Variants in CRTC3 observed in about 807,000 individuals in gnomAD.
CRTC3 encodes CREB-regulated transcription coactivator 3.
In CRTC3, 26 loss-of-function variants were observed where a neutral mutation model predicts 74.5. The observed-to-expected ratio is 0.35, with a 90% CI of 0.26 to 0.48. The LOEUF is 0.48. Ranked by LOEUF, CRTC3 falls within the 20% of genes least tolerant of loss-of-function variation. The pLI, the probability that CRTC3 is intolerant of heterozygous loss-of-function variation, is 0.99. For missense variants in CRTC3, 760 were observed against 787.3 expected, an observed-to-expected ratio of 0.97 and a Z score of 0.41; for synonymous variants, 377 against 325.8, an observed-to-expected ratio of 1.16 and a Z score of -1.69.
intron 2 of CRTC3, among the ~76,000 whole-genome samples, chr15:90,571,745 CTAAG>C (rs1387190623): frequency 1.3e-5 from 2 of 152,130 alleles, no homozygotes; most frequent in African/African-American, 4.8e-5. Context: ...GTACCTATTG[CTAAG>C]TGTTTCATCT....
chr15:90,630,872 G>A lies in CRTC3; in HGVS notation c.1266+1340G>A, dbSNP rs1341220155. The stretch of plus-strand genomic sequence containing the variant: ...GGCTCACTGCAAGCTCCGCTTCCCG[G>A]GTTCACGCCATTCTCCTGCCTCAGC... On this transcript the variant is annotated intron_variant, in intron 11 of 14. Transcript: ENST00000268184. 3.2e-4 allele frequency among the ~76,000 whole-genome samples: 17 copies of A among 52,842 alleles called. 7 individuals carry two copies. Among genetic ancestry groups the A allele is most frequent in the Non-Finnish European group, 9.8e-5 (2 of 20,322 alleles). The allele number at this position is 52,842 out of a possible 152,430, so 34.7% of individuals were successfully genotyped here.
At chr15:90,581,826 G>A (rs765634505) in intron 2 of CRTC3, among the ~76,000 whole-genome samples, 1 of 152,186 alleles carries the variant, frequency 6.6e-6, no homozygotes, top group Non-Finnish European at 1.5e-5. Context: ...GGTGGATCTG[G>A]TGTGATTCAG....
Position 90,638,826 on chromosome 15 carries a change from G to T in CRTC3, c.1548+11G>T. 1 of 1,609,492 alleles carries T rather than the reference G, an allele frequency of 6.2e-7. No homozygotes were observed. Among genetic ancestry groups the T allele is most frequent in the African/African-American group, 1.3e-5 (1 of 74,890 alleles). ...GCCTTTCCTCAACAGGTGGGTGATC[G>T]CCCCTGCCTTCTCCTCCCTTGGTGC... is the stretch of plus-strand genomic sequence containing the variant. On this transcript the variant is annotated intron_variant, in intron 13 of 14. Coordinates refer to ENST00000268184, the MANE Select transcript of CRTC3 (RefSeq NM_022769.5).
intron 10 of CRTC3, among the ~76,000 whole-genome samples, chr15:90,628,501 G>T (rs531483358): frequency 3.3e-5 from 5 of 152,144 alleles, no homozygotes; most frequent in Admixed American, 6.5e-5. Context: ...GATCCAGCAG[G>T]GCATAGGACA....
At position 90,643,651 on chromosome 15, in the gene CRTC3, C is replaced by T. The variant is rs1011350844; in HGVS notation, c.*1511C>T. The T allele has an allele frequency of 1.7e-5, 4 of 231,830 alleles. No homozygotes were observed. The highest frequency in any genetic ancestry group is 2.6e-5 in the Non-Finnish European group (3 of 117,336). The allele number at this position is 231,830 out of a possible 1,614,324, so 14.4% of individuals were successfully genotyped here. On this transcript the variant is annotated 3_prime_UTR_variant, in exon 15 of 15. Coordinates refer to ENST00000268184, the MANE Select transcript of CRTC3 (RefSeq NM_022769.5). ...ATACCTTCTCATAAAATAGATGGGC[C>T]AGATTTCCACCACCGCCTGCCTCCT... is the stretch of plus-strand genomic sequence containing the variant.
At chr15:90,621,369 C>T (rs1968647634) in intron 9 of CRTC3, among the ~76,000 whole-genome samples, 1 of 152,102 alleles carries the variant, frequency 6.6e-6, no homozygotes, top group African/African-American at 2.4e-5. Flanking sequence ...GTCGCTCAGG[C>T]TGGAGTGCAG....
At chr15:90,572,741 A>G (rs1967304065) in intron 2 of CRTC3, among the ~76,000 whole-genome samples, 1 of 152,014 alleles carries the variant, frequency 6.6e-6, no homozygotes, top group African/African-American at 2.4e-5. Flanking sequence ...ATACCCAGCT[A>G]ATTTTTGTAT....
chr15:90,586,144 C>T (rs1967654444), intron 2 of CRTC3, among the ~76,000 whole-genome samples: 1 of 152,008 alleles, frequency 6.6e-6, no homozygotes, highest in African/African-American at 2.4e-5. Flanking sequence ...CACTTTTTTT[C>T]TTGATCACGA....
intron 2 of CRTC3, among the ~76,000 whole-genome samples, chr15:90,550,905 G>A (rs911141586): frequency 2.6e-5 from 4 of 152,022 alleles, no homozygotes; most frequent in Non-Finnish European, 5.9e-5. Context: ...ATAATGCCAA[G>A]GAGCTCAATT....
chr15:90,615,083 TA>T (rs1567185499), intron 7 of CRTC3, among the ~76,000 whole-genome samples: 125 of 152,106 alleles, frequency 8.2e-4, no homozygotes, highest in African/African-American at 2.7e-3. Flanking sequence ...AATAAATAAA[TA>T]AATAAATTAA....
intron 2 of CRTC3, among the ~76,000 whole-genome samples, chr15:90,543,486 A>G (rs190852234): frequency 1.3e-5 from 2 of 152,096 alleles, no homozygotes; most frequent in Admixed American, 6.5e-5. Context: ...ATTTTATTCA[A>G]TCTATTATAA....
chr15:90,588,644 C>T (rs750240733), intron 2 of CRTC3, among the ~76,000 whole-genome samples: 3 of 151,696 alleles, frequency 2.0e-5, no homozygotes, highest in Admixed American at 1.3e-4. Flanking sequence ...AGCTGGGTGA[C>T]GTCAGAGGTG....
chr15:90,587,084 A>G (rs548819768), intron 2 of CRTC3, among the ~76,000 whole-genome samples: 2 of 152,362 alleles, frequency 1.3e-5, no homozygotes, highest in African/African-American at 2.4e-5. Flanking sequence ...ATGCAAATGT[A>G]GGTCACATTG....
intron 6 of CRTC3, chr15:90,613,868 T>G (rs1968424367): frequency 6.6e-6 from 1 of 152,246 alleles, no homozygotes; most frequent in African/African-American, 2.4e-5. Flanking sequence ...TAAAAATACT[T>G]CATTCAGCCA....
At chr15:90,618,250 GT>G (rs1261439119) in intron 8 of CRTC3, 1 of 193,076 alleles carries the variant, frequency 5.2e-6, no homozygotes, top group African/African-American at 2.5e-5. Context: ...TATCTTATTT[GT>G]TTTGCTAAAA....
rs377178684 is a variant in CRTC3 at position 90,643,331 on chromosome 15, A to G, written c.*1191A>G. Reference sequence around the variant, plus strand: ...CTAGCACTCGTGCCTATGGTGAAGCATGCACTTTAATATGCTTTTAACACT... The same window carrying G: ...CTAGCACTCGTGCCTATGGTGAAGCGTGCACTTTAATATGCTTTTAACACT... On this transcript the variant is annotated 3_prime_UTR_variant, in exon 15 of 15. Transcript: ENST00000268184. 27 of 230,370 alleles carry G rather than the reference A, an allele frequency of 1.2e-4. No homozygotes were observed. In the South Asian group the frequency reaches 2.9e-3, roughly 25 times the overall value. The allele number at this position is 230,370 out of a possible 1,614,324, so 14.3% of individuals were successfully genotyped here. A position where few individuals can be genotyped will look rare whatever the true frequency, so the allele number is the denominator to read the frequency against.
In CRTC3 at chr15:90,564,834, A is replaced by G. The variant is rs1967086333; in HGVS notation, c.231+24697A>G. Among the ~76,000 whole-genome samples, 4 of 152,346 alleles carry G rather than the reference A, an allele frequency of 2.6e-5. No individual in the cohort carries two copies. In the South Asian group the frequency reaches 8.3e-4, roughly 32 times the overall value. Reference sequence around the variant, plus strand: ...GCAGGAATGGATAGAGTATGGACTCAAGAGTAAGGCAGCTTGGGTTCAAAG... The same window carrying G: ...GCAGGAATGGATAGAGTATGGACTCGAGAGTAAGGCAGCTTGGGTTCAAAG... On this transcript the variant is annotated intron_variant, in intron 2 of 14. Coordinates refer to ENST00000268184, the MANE Select transcript of CRTC3 (RefSeq NM_022769.5).
At chr15:90,631,673 G>A (rs1265518395) in intron 11 of CRTC3, among the ~76,000 whole-genome samples, 5 of 149,794 alleles carry the variant, frequency 3.3e-5, no homozygotes, top group African/African-American at 1.2e-4. Context: ...AGTTTGCAGT[G>A]AGCCAGGATT....
intron 7 of CRTC3, among the ~76,000 whole-genome samples, chr15:90,614,755 G>T (rs150450324): frequency 1.1e-4 from 16 of 152,294 alleles, no homozygotes; most frequent in Middle Eastern, 3.4e-3. Context: ...ACCAAAAATT[G>T]TAATCACATG....
Sources: allele counts gnomAD v4.1 joint callset (sites outside exome capture counted in the v4.1 genomes callset), GRCh38; gene constraint gnomAD v4.1.1; transcripts MANE v1.5; gene names NCBI Gene and HGNC (gene_info 2026-07-23, HGNC 2026-07-21).